The following RALGPS1 variants were observed in gnomAD, a reference collection of about 807,000 sequenced individuals.
RALGPS1 encodes ras-specific guanine nucleotide-releasing factor RalGPS1.
RALGPS1 carries 19 observed loss-of-function variants against 78.8 expected under a neutral mutation model. The ratio of observed to expected loss-of-function variants is 0.24; its 90% confidence interval spans 0.17 to 0.35. The LOEUF is 0.35. Ranked by LOEUF, RALGPS1 falls within the 10% of genes least tolerant of loss-of-function variation. RALGPS1 has a pLI of 1.00. For missense variants in RALGPS1, 454 were observed against 688.3 expected, an observed-to-expected ratio of 0.66 and a Z score of 3.81; for synonymous variants, 228 against 256.3, an observed-to-expected ratio of 0.89 and a Z score of 1.06.
intron 18 of RALGPS1, 120 bp downstream of exon 18, chr9:127,214,962 A>G (rs1349730005): frequency 6.7e-7 from 1 of 1,488,028 alleles, no homozygotes; most frequent in African/African-American, 1.4e-5. Context: ...ACTCTCAGAT[A>G]CCCTCTTCTG....
rs1236298851 is a variant in RALGPS1, at chr9:127,122,459, G to A, written c.611-43610G>A. 1 of 152,536 alleles carries A rather than the reference G, an allele frequency of 6.6e-6. No individual in the cohort carries two copies. The highest frequency in any genetic ancestry group is 1.9e-4 in the East Asian group (1 of 5,194). The allele number at this position is 152,536 out of a possible 1,614,324, so 9.4% of individuals were successfully genotyped here. A position where few individuals can be genotyped will look rare whatever the true frequency, so the allele number is the denominator to read the frequency against. ...CAGCCCTGCCTCACTGGGCTCCACT[G>A]GCTCTGCCTCCACAGAGGGCTCCGG... On this transcript the variant is annotated intron_variant, in intron 8 of 18. Transcript: ENST00000259351. The surrounding 1 kb of genome is among the most constrained non-coding windows in gnomAD (Gnocchi z 6.4).
intron 8 of RALGPS1, among the ~76,000 whole-genome samples, chr9:127,077,087 G>A (rs146229660): frequency 1.3e-5 from 2 of 152,312 alleles, no homozygotes; most frequent in African/African-American, 2.4e-5. Flanking sequence ...GGAGTGGGGA[G>A]CCCAGGCTCT....
intron 4 of RALGPS1, chr9:127,016,794 C>A (rs1440229872): frequency 6.6e-6 from 1 of 152,316 alleles, no homozygotes; most frequent in African/African-American, 2.4e-5. Flanking sequence ...TTCTTAGCTT[C>A]CTGCCTTGGC....
chr9:127,175,677 CTTTTTTTTTTTT>C (rs11354346), intron 11 of RALGPS1, among the ~76,000 whole-genome samples: 2 of 109,002 alleles, frequency 1.8e-5, no homozygotes, highest in East Asian at 2.4e-4. Flanking sequence ...TTTGGGCCTC[CTTTTTTTTTTTT>C]TTTTTTTTTT....
At chr9:127,149,088 T>C (rs1329697891) in intron 8 of RALGPS1, among the ~76,000 whole-genome samples, 1 of 152,234 alleles carries the variant, frequency 6.6e-6, no homozygotes, top group African/African-American at 2.4e-5. Flanking sequence ...GGAACTGTTC[T>C]GGCCGAGGAA....
intron 8 of RALGPS1, among the ~76,000 whole-genome samples, chr9:127,120,434 C>T (rs895742919): frequency 2.6e-5 from 4 of 152,220 alleles, no homozygotes; most frequent in African/African-American, 9.6e-5. Flanking sequence ...TCCTGGAAAG[C>T]CCTCCAGTGT....
chr9:127,194,633 G>A (rs1036815296), intron 11 of RALGPS1, among the ~76,000 whole-genome samples: 2 of 152,168 alleles, frequency 1.3e-5, no homozygotes, highest in South Asian at 2.1e-4. Context: ...GGCTGGTTTC[G>A]AACACCTGAC....
At chr9:127,178,305 G>A (rs1452817465) in intron 11 of RALGPS1, 3 of 369,366 alleles carry the variant, frequency 8.1e-6, no homozygotes, top group South Asian at 3.3e-5. Context: ...AGCCTCCCCC[G>A]AACAGAAGTG....
chr9:127,084,732 G>T (rs962369472), intron 8 of RALGPS1, among the ~76,000 whole-genome samples: 2 of 152,244 alleles, frequency 1.3e-5, no homozygotes, highest in African/African-American at 4.8e-5. Flanking sequence ...CACAGTGTCA[G>T]GGAAGCCATC....
chr9:127,052,992 A>G, intron 7 of RALGPS1, 53 bp downstream of exon 7: 2 of 1,225,582 alleles, frequency 1.6e-6, no homozygotes, highest in East Asian at 2.3e-5. Context: ...TCATTGGTGA[A>G]GTTCTTCATT....
At chr9:127,037,926 T>C (rs138046147) in intron 5 of RALGPS1, among the ~76,000 whole-genome samples, 409 of 152,318 alleles carry the variant, frequency 2.7e-3, no homozygotes, top group African/African-American at 9.3e-3. Context: ...CTAGGCCACA[T>C]GGACTGAGAA....
Position 127,205,455 on chromosome 9 carries a change from A to T in RALGPS1, c.1247+6389A>T, listed in dbSNP as rs576919153. ...CAGACTGAGAGAAGTCTGCAGAGAG[A>T]AGAGTGCACAAAGAACCCCTGGCCT... On this transcript the variant is annotated intron_variant, in intron 14 of 18. Transcript: ENST00000259351. The surrounding 1 kb of genome is among the most constrained non-coding windows in gnomAD (Gnocchi z 4.0). Among the ~76,000 whole-genome samples, 43 of 152,298 alleles carry T rather than the reference A, an allele frequency of 2.8e-4. No homozygotes were observed. The highest frequency in any genetic ancestry group is 5.6e-4 in the Non-Finnish European group (38 of 68,002).
At chr9:127,166,042 A>G (rs187561365) in intron 8 of RALGPS1, 27 bp from the exon 9 acceptor site, 27 of 1,590,798 alleles carry the variant, frequency 1.7e-5, no homozygotes, top group Admixed American at 5.3e-5. Flanking sequence ...AGCTCCTTCC[A>G]TCATGAAATA....
In RALGPS1 at chr9:127,131,433, C is replaced by T. The variant is rs115494698; in HGVS notation, c.611-34636C>T. 4.8e-3 allele frequency among the ~76,000 whole-genome samples: 737 copies of T among 152,326 alleles called. 8 individuals carry two copies. Among genetic ancestry groups the T allele is most frequent in the African/African-American group, 0.017 (705 of 41,586 alleles). On this transcript the variant is annotated intron_variant, in intron 8 of 18. Transcript: ENST00000259351. ...GCCAACAGCCGCCATCTGTTACACACTCACCACATGCCTGGCACTGGGGAG... is the reference window on the plus strand; with the variant it reads ...GCCAACAGCCGCCATCTGTTACACATTCACCACATGCCTGGCACTGGGGAG...
intron 8 of RALGPS1, among the ~76,000 whole-genome samples, chr9:127,159,543 A>G (rs1186855954): frequency 6.6e-6 from 1 of 152,234 alleles, no homozygotes; most frequent in Non-Finnish European, 1.5e-5. Context: ...AGTGACAGTA[A>G]GCTTCCAACA....
intron 8 of RALGPS1, among the ~76,000 whole-genome samples, chr9:127,141,578 C>A (rs1385818294): frequency 8.5e-6 from 1 of 117,192 alleles, no homozygotes; most frequent in African/African-American, 3.4e-5. Context: ...AATGAAACTT[C>A]AGAGACTCTC....
At chr9:126,943,966 C>T (rs1052035877) in intron 1 of RALGPS1, among the ~76,000 whole-genome samples, 1 of 152,228 alleles carries the variant, frequency 6.6e-6, no homozygotes, top group African/African-American at 2.4e-5. Flanking sequence ...GAACAGCAGC[C>T]AAGGAGAACT....
At chr9:127,130,257 C>T (rs1360978116) in intron 8 of RALGPS1, among the ~76,000 whole-genome samples, 2 of 152,144 alleles carry the variant, frequency 1.3e-5, no homozygotes, top group East Asian at 1.9e-4. Context: ...CCAAGATGGC[C>T]GGGAGTAAAA....
intron 14 of RALGPS1, among the ~76,000 whole-genome samples, chr9:127,201,565 A>T (rs2061633702): frequency 6.6e-6 from 1 of 152,224 alleles, no homozygotes; most frequent in Non-Finnish European, 1.5e-5. Context: ...TCCACAGGAG[A>T]GTCGGAGGGG....
Sources: allele counts gnomAD v4.1 joint callset (sites outside exome capture counted in the v4.1 genomes callset), GRCh38; gene constraint gnomAD v4.1.1; non-coding constraint Gnocchi (gnomAD v3.1); transcripts MANE v1.5; gene names NCBI Gene and HGNC (gene_info 2026-07-23, HGNC 2026-07-21).